HSPH1: variants seen among roughly 807,000 people sequenced by gnomAD.
The protein encoded by HSPH1 is heat shock protein family H (Hsp110) member 1.
Under a neutral mutation model 100.0 loss-of-function variants are expected in HSPH1, and 40 were observed. The ratio of observed to expected loss-of-function variants is 0.40; its 90% CI spans 0.31 to 0.52. HSPH1 has a LOEUF of 0.52. HSPH1 is among the 20% of genes least tolerant of loss of function. HSPH1 has a pLI of 0.54. For missense variants in HSPH1, 876 were observed against 1,015.1 expected (o/e 0.86, Z 1.86); for synonymous variants, 403 against 344.0 (o/e 1.17, Z -1.90).
chr13:31,161,443 T>A (rs1246774998), intron 1 of HSPH1, 33 bp downstream of exon 1: 14 of 1,612,042 alleles, frequency 8.7e-6, no homozygotes, highest in East Asian at 2.2e-5. Context: ...GCCCAGAACC[T>A]CCTCCCATCC....
intron 12 of HSPH1, among the ~76,000 whole-genome samples, chr13:31,143,041 C>G (rs1022523709): frequency 6.6e-6 from 1 of 152,030 alleles, no homozygotes; most frequent in Non-Finnish European, 1.5e-5. Context: ...ATGAAAGATT[C>G]TGTAATTTGC....
chr13:31,154,217 T>C (rs889093311), intron 4 of HSPH1: 1 of 215,482 alleles, frequency 4.6e-6, no homozygotes, highest in Non-Finnish European at 9.4e-6. Flanking sequence ...GGCTTGCTAG[T>C]GTTAAAAATT....
chr13:31,161,958 C>G (rs1428994287), upstream of HSPH1: 4 of 1,535,882 alleles, frequency 2.6e-6, no homozygotes, highest in Non-Finnish European at 3.5e-6. Context: ...TCAGAACTTT[C>G]CAGAATCTGC....
chr13:31,151,975 G>A (rs144227831), intron 5 of HSPH1: 8,237 of 453,370 alleles, frequency 0.018, 99 homozygotes, highest in Non-Finnish European at 0.023. Flanking sequence ...AGATGTGCTA[G>A]ACAAAACATA....
chr13:31,150,353 C>T (rs1362850246), intron 7 of HSPH1, among the ~76,000 whole-genome samples, 171 bp from the exon 8 acceptor site: 1 of 152,152 alleles, frequency 6.6e-6, no homozygotes, highest in Admixed American at 6.5e-5. Flanking sequence ...ATACACCAAA[C>T]AGGTGCAGAA....
At position 31,136,218 on chromosome 13, in the gene HSPH1, C is replaced by T. The variant is rs7982141; in HGVS notation, c.*1100G>A. 0.96 allele frequency: 146,345 copies of T among 152,266 alleles called. 70,349 individuals carry two copies. Among genetic ancestry groups the T allele is most frequent in the South Asian group, 0.97 (4,687 of 4,818 alleles). The allele number at this position is 152,266 out of a possible 1,614,324, so 9.4% of individuals were successfully genotyped here. A position where few individuals can be genotyped will look rare whatever the true frequency, so the allele number is the denominator to read the frequency against. Reference sequence around the variant, plus strand: ...ATAGCAAGATTGGTATTTTTAAGTACGTCTTTATAATGAACTCACTACATT... The same window carrying T: ...ATAGCAAGATTGGTATTTTTAAGTATGTCTTTATAATGAACTCACTACATT... On this transcript the variant is annotated 3_prime_UTR_variant, in exon 18 of 18. Transcript: ENST00000320027.
intron 11 of HSPH1, 48 bp from the exon 12 acceptor site, chr13:31,143,971 G>C (rs748374758): frequency 5.5e-6 from 8 of 1,444,384 alleles, no homozygotes; most frequent in South Asian, 4.6e-5. Flanking sequence ...AGGTGTACTT[G>C]TATAAATTTT....
chr13:31,147,405 A>G (rs1235802028), intron 10 of HSPH1, among the ~76,000 whole-genome samples: 1 of 150,922 alleles, frequency 6.6e-6, no homozygotes, highest in Non-Finnish European at 1.5e-5. Flanking sequence ...ACCTAGCAAT[A>G]TTGGCAAATT....
intron 16 of HSPH1, 66 bp from the exon 17 acceptor site, chr13:31,138,634 T>C: frequency 6.5e-7 from 1 of 1,532,974 alleles, no homozygotes; most frequent in African/African-American, 1.4e-5. Context: ...TTGACTCAAC[T>C]TTCCAGGAAG....
intron 5 of HSPH1, 145 bp from the exon 6 acceptor site, chr13:31,151,887 T>G: frequency 1.6e-6 from 1 of 618,124 alleles, no homozygotes; most frequent in Non-Finnish European, 2.8e-6. Context: ...ATACCTGACT[T>G]CACACTGATT....
chr13:31,161,588 GCTCGCGGTCCGCCTCCGC>G lies in HSPH1; in HGVS notation c.-24_-7del. ...TCCAACCCCACCACCGACATGGCCG[GCTCGCGGTCCGCCTCCGC>G]CTCGGGTCTCGGTCTGCGTCCTCCG... is the stretch of plus-strand genomic sequence containing the variant. On this transcript the variant is annotated 5_prime_UTR_variant, in exon 1 of 18. Transcript: ENST00000320027. 3.1e-6 allele frequency: 5 copies of G among 1,612,286 alleles called. No homozygotes were observed. Among genetic ancestry groups the G allele is most frequent in the Non-Finnish European group, 4.2e-6 (5 of 1,179,522 alleles).
chr13:31,142,973 G>A (rs1956149590), intron 12 of HSPH1, among the ~76,000 whole-genome samples: 1 of 151,942 alleles, frequency 6.6e-6, no homozygotes, highest in South Asian at 2.1e-4. Flanking sequence ...ATCAATGAGG[G>A]GACAGAAAAA....
intron 1 of HSPH1, 80 bp from the exon 2 acceptor site, chr13:31,158,943 A>C (rs891769148): frequency 3.9e-5 from 34 of 876,726 alleles, no homozygotes; most frequent in Non-Finnish European, 6.4e-5. Flanking sequence ...TACTAACATA[A>C]ATGTCCTACC....
At chr13:31,161,993 C>T (rs922854674), upstream of HSPH1, 5 of 1,536,026 alleles carry the variant, frequency 3.3e-6, no homozygotes, top group African/African-American at 6.8e-5. Context: ...GGCGCCTCCA[C>T]CGGCCCCTCC....
At chr13:31,149,028 A>G (rs9315114) in intron 8 of HSPH1, among the ~76,000 whole-genome samples, 100,493 of 151,972 alleles carry the variant, frequency 0.66, 33,485 homozygotes, top group Middle Eastern at 0.73. Context: ...TGATTAAGCT[A>G]AATAGACCAA....
chr13:31,158,919 T>A, intron 1 of HSPH1, 56 bp from the exon 2 acceptor site: 1 of 1,095,484 alleles, frequency 9.1e-7, no homozygotes, highest in Non-Finnish European at 1.4e-6. Context: ...TATTTTAAAC[T>A]GATAAGAGAA....
chr13:31,148,463 C>T lies in HSPH1; in HGVS notation c.1155G>A (p.Pro385=), dbSNP rs537052400. 10 of 1,525,590 alleles carry T rather than the reference C, an allele frequency of 6.6e-6. No homozygotes were observed. Among genetic ancestry groups the T allele is most frequent in the Admixed American group, 4.3e-5 (2 of 46,764 alleles). The allele number at this position is 1,525,590 out of a possible 1,614,324, so 94.5% of individuals were successfully genotyped here. ...CGGAAAATTCTCTAACTTTAAATGC[C>T]GGGGAAAGTATTGCACACTTAAAAA... The part of the protein sequence containing the change: ...GCALQCAILS[P]AFKVREFSVT... Residue 385 remains proline (P), a synonymous_variant, in exon 9 of 18, where the codon CCG becomes CCA. Coordinates refer to ENST00000320027, the MANE Select transcript of HSPH1 (RefSeq NM_006644.4).
chr13:31,154,569 T>C (rs1317423610), intron 4 of HSPH1, 64 bp downstream of exon 4: 1 of 1,589,204 alleles, frequency 6.3e-7, no homozygotes, highest in Non-Finnish European at 8.6e-7. Context: ...CATTTCATAC[T>C]TAAAAGTAAT....
intron 1 of HSPH1, among the ~76,000 whole-genome samples, chr13:31,160,229 ACT>A (rs1956847342): frequency 6.6e-6 from 1 of 152,204 alleles, no homozygotes; most frequent in African/African-American, 2.4e-5. Context: ...AGCCTGAAAT[ACT>A]GTTTTCTTTC....
Sources: allele counts gnomAD v4.1 joint callset (sites outside exome capture counted in the v4.1 genomes callset), GRCh38; gene constraint gnomAD v4.1.1; transcripts MANE v1.5; gene names NCBI Gene and HGNC (gene_info 2026-07-23, HGNC 2026-07-21).